Variants in PTCSC3 observed in about 807,000 individuals in gnomAD.
PTCSC3 encodes papillary thyroid carcinoma susceptibility candidate 3 (non-protein coding).
chr14:36,173,103 T>G (rs920435807), intron 1 of PTCSC3, among the ~76,000 whole-genome samples: 2 of 151,534 alleles, frequency 1.3e-5, no homozygotes, highest in Non-Finnish European at 2.9e-5. Context: ...AGATAAACTT[T>G]AATTAGTCTT....
At position 36,172,522 on chromosome 14, in the gene PTCSC3, T is replaced by C. The variant is rs140046008; in HGVS notation, n.171+3776A>G. Among the ~76,000 whole-genome samples the C allele has an allele frequency of 9.2e-3, 1,404 of 152,266 alleles. 19 individuals carry two copies. Among genetic ancestry groups the C allele is most frequent in the African/African-American group, 0.032 (1,331 of 41,560 alleles). On this transcript the variant is annotated intron_variant and non_coding_transcript_variant, in intron 1 of 3. Coordinates refer to ENST00000556013, the Ensembl canonical transcript of PTCSC3. ...AGAAATTTATAGAAAATTATAGAAATATCTGAAGAGGTTTCTTATCCTCCC... is the reference window on the plus strand; with the variant it reads ...AGAAATTTATAGAAAATTATAGAAACATCTGAAGAGGTTTCTTATCCTCCC...
chr14:36,151,911 C>T (rs1050298631), intron 3 of PTCSC3, among the ~76,000 whole-genome samples: 6 of 152,176 alleles, frequency 3.9e-5, no homozygotes, highest in Non-Finnish European at 8.8e-5. Flanking sequence ...CTCAGATGTT[C>T]ACTGTGATAA....
chr14:36,146,898 A>C (rs1881587464), intron 3 of PTCSC3, among the ~76,000 whole-genome samples: 1 of 152,114 alleles, frequency 6.6e-6, no homozygotes, highest in Non-Finnish European at 1.5e-5. Flanking sequence ...TCTGTAAAGT[A>C]TTTTATTTCT....
At chr14:36,148,592 C>T (rs1881647330) in intron 3 of PTCSC3, among the ~76,000 whole-genome samples, 1 of 152,202 alleles carries the variant, frequency 6.6e-6, no homozygotes, top group Non-Finnish European at 1.5e-5. Flanking sequence ...GAACCTGGTA[C>T]CTCAGATGGA....
intron 2 of PTCSC3, among the ~76,000 whole-genome samples, chr14:36,159,053 A>C (rs888784096): frequency 1.3e-5 from 2 of 151,856 alleles, no homozygotes; most frequent in Non-Finnish European, 2.9e-5. Flanking sequence ...AGGTGTTTAA[A>C]GTATTCTCTG....
chr14:36,168,322 T>C lies in PTCSC3; in HGVS notation n.172-5639A>G, dbSNP rs1312093271. Reference sequence around the variant, plus strand: ...TAAAACATTATGCCTTTGCATTCCATTAAAACCCATTATTGGGAGTTTAAA... The same window carrying C: ...TAAAACATTATGCCTTTGCATTCCACTAAAACCCATTATTGGGAGTTTAAA... On this transcript the variant is annotated intron_variant and non_coding_transcript_variant, in intron 1 of 3. Coordinates refer to ENST00000556013, the Ensembl canonical transcript of PTCSC3. 2.1e-5 allele frequency among the ~76,000 whole-genome samples: 3 copies of C among 146,246 alleles called. No individual in the cohort carries two copies. In the East Asian group the frequency reaches 6.0e-4, roughly 29 times the overall value.
chr14:36,138,672 A>G (rs1881342899), intron 3 of PTCSC3, among the ~76,000 whole-genome samples: 1 of 152,238 alleles, frequency 6.6e-6, no homozygotes, highest in African/African-American at 2.4e-5. Flanking sequence ...GATTGACATA[A>G]CCAAGTATTG....
chr14:36,155,771 G>A (rs975840226), intron 2 of PTCSC3, among the ~76,000 whole-genome samples: 46 of 152,068 alleles, frequency 3.0e-4, no homozygotes, highest in African/African-American at 1.1e-3. Flanking sequence ...TGGTTGTTAA[G>A]TTTGATCATA....
intron 1 of PTCSC3, among the ~76,000 whole-genome samples, chr14:36,168,976 T>C (rs1473904080): frequency 6.6e-6 from 1 of 152,132 alleles, no homozygotes; most frequent in Non-Finnish European, 1.5e-5. Flanking sequence ...TATTAGAATT[T>C]AAAACTTCAG....
chr14:36,158,768 A>T (rs1488664735), intron 2 of PTCSC3, among the ~76,000 whole-genome samples: 2 of 152,210 alleles, frequency 1.3e-5, no homozygotes, highest in African/African-American at 4.8e-5. Flanking sequence ...CTGGCCTCAT[A>T]AAATGACTTA....
intron 3 of PTCSC3, among the ~76,000 whole-genome samples, chr14:36,142,711 G>T (rs1881453023): frequency 6.6e-6 from 1 of 151,102 alleles, no homozygotes; most frequent in South Asian, 2.1e-4. Context: ...CATTGTGCAG[G>T]TTAGTTACAT....
At chr14:36,163,424 GA>G (rs1034345297) in intron 1 of PTCSC3, among the ~76,000 whole-genome samples, 3 of 149,844 alleles carry the variant, frequency 2.0e-5, no homozygotes, top group Non-Finnish European at 4.5e-5. Context: ...CACCATGGAG[GA>G]AAAAAAAAGA....
intron 2 of PTCSC3, among the ~76,000 whole-genome samples, chr14:36,154,731 C>T (rs1881793020): frequency 6.6e-6 from 1 of 152,092 alleles, no homozygotes; most frequent in Non-Finnish European, 1.5e-5. Context: ...TTTCCTCTTT[C>T]TCTCTCTGGG....
At chr14:36,172,263 A>T (rs74845121) in intron 1 of PTCSC3, among the ~76,000 whole-genome samples, 3,077 of 152,264 alleles carry the variant, frequency 0.02, 107 homozygotes, top group Admixed American at 0.083. Context: ...GTAAAAGCCC[A>T]TGAAAATGTA....
At chr14:36,172,134 C>A (rs1882204088) in intron 1 of PTCSC3, among the ~76,000 whole-genome samples, 1 of 152,132 alleles carries the variant, frequency 6.6e-6, no homozygotes. Flanking sequence ...GCCTGGCTTG[C>A]ATTGTAGCTG....
At chr14:36,141,541 C>T (rs1031621935) in intron 3 of PTCSC3, among the ~76,000 whole-genome samples, 26 of 152,034 alleles carry the variant, frequency 1.7e-4, no homozygotes, top group African/African-American at 5.3e-4. Context: ...TTAGTAGAGA[C>T]GGGGTTTCAC....
upstream of PTCSC3, among the ~76,000 whole-genome samples, chr14:36,176,695 C>G (rs149694102): frequency 6.6e-6 from 1 of 152,074 alleles, no homozygotes; most frequent in Admixed American, 6.5e-5. Context: ...ATAAGCTATT[C>G]CTTCATGCCT....
intron 3 of PTCSC3, among the ~76,000 whole-genome samples, chr14:36,149,745 T>G (rs561594957): frequency 1.3e-5 from 2 of 152,328 alleles, no homozygotes; most frequent in South Asian, 4.1e-4. Flanking sequence ...TTGCCTTGAT[T>G]CTGCTTTATC....
At chr14:36,147,307 A>G (rs1430361982) in intron 3 of PTCSC3, among the ~76,000 whole-genome samples, 4 of 152,222 alleles carry the variant, frequency 2.6e-5, no homozygotes, top group Non-Finnish European at 4.4e-5. Flanking sequence ...CACCAATCAG[A>G]CGTAGATTTG....
Sources: gnomAD v4.1 joint callset for allele counts (sites outside exome capture counted in the v4.1 genomes callset) on GRCh38, gnomAD v4.1.1 for gene constraint, MANE v1.5 for transcripts, NCBI Gene and HGNC (gene_info 2026-07-23, HGNC 2026-07-21) for gene names.